ARMC3: variants seen among roughly 807,000 people sequenced by gnomAD.
The protein encoded by ARMC3 is armadillo repeat containing 3, also known as armadillo repeat-containing protein 3.
ARMC3 carries 74 observed loss-of-function variants against 90.3 expected under a neutral mutation model. That is an observed-to-expected ratio of 0.82 (90% CI 0.68 to 0.99). The LOEUF (loss-of-function observed/expected upper bound fraction) is 0.99, where lower values mean the gene tolerates loss of function less well. Among genes scored for constraint, ARMC3 ranks in the 50% least tolerant of loss-of-function variants. The pLI, the probability that ARMC3 is intolerant of heterozygous loss-of-function variation, is 0.00. For synonymous variants in ARMC3, 334 were observed against 361.8 expected (o/e 0.92, Z 0.87); for missense variants, 958 against 1,042.8 (o/e 0.92, Z 1.12).
In ARMC3 at chr10:22,955,902, A is replaced by G; in HGVS notation, c.262A>G (p.Thr88Ala). The change falls in exon 4 of 19, where the codon ACT becomes GCT. Residue 88 changes from threonine (T) to alanine (A), a missense_variant. By Grantham distance (58) the Thr-to-Ala change is moderately conservative. Coordinates refer to ENST00000298032, the MANE Select transcript of ARMC3 (RefSeq NM_173081.5). ...HEDKIVRRNA[T>A]MIFGILASNN... ...AGACAAAATTGTAAGAAGAAATGCTACTATGATATTTGGAATCCTGGCTTC... is the reference window on the plus strand; with the variant it reads ...AGACAAAATTGTAAGAAGAAATGCTGCTATGATATTTGGAATCCTGGCTTC... The G allele has an allele frequency of 1.2e-6, 2 of 1,609,900 alleles. No homozygotes were observed. Among genetic ancestry groups the G allele is most frequent in the Non-Finnish European group, 1.7e-6 (2 of 1,176,250 alleles).
At chr10:23,009,526 C>T (rs1484199434) in intron 16 of ARMC3, among the ~76,000 whole-genome samples, 4 of 152,194 alleles carry the variant, frequency 2.6e-5, no homozygotes, top group African/African-American at 9.6e-5. Flanking sequence ...GAGTCTCGCT[C>T]TGTCGCCCAG....
chr10:23,010,664 C>T (rs1261820138), intron 16 of ARMC3, among the ~76,000 whole-genome samples: 4 of 120,770 alleles, frequency 3.3e-5, no homozygotes, highest in African/African-American at 1.3e-4. Flanking sequence ...CTCCTCTCCT[C>T]TCCTTCCTTT....
chr10:22,976,840 A>G (rs560383469), intron 8 of ARMC3, among the ~76,000 whole-genome samples: 1 of 152,196 alleles, frequency 6.6e-6, no homozygotes, highest in South Asian at 2.1e-4. Context: ...AAAATGCACA[A>G]ATACACTACA....
intron 16 of ARMC3, among the ~76,000 whole-genome samples, chr10:23,019,893 T>C (rs1383776837): frequency 6.6e-6 from 1 of 152,182 alleles, no homozygotes; most frequent in Non-Finnish European, 1.5e-5. Context: ...GATCATACAG[T>C]GTGTAACGTT....
chr10:22,934,482 A>G (rs1834042004), intron 2 of ARMC3, among the ~76,000 whole-genome samples: 1 of 152,208 alleles, frequency 6.6e-6, no homozygotes, highest in Non-Finnish European at 1.5e-5. Flanking sequence ...GTGGTGCTTT[A>G]ACAAAAGGAA....
rs759473989 is a variant in ARMC3 at position 22,983,426 on chromosome 10, G to A, written c.1175+1726G>A. Among the ~76,000 whole-genome samples, 110 of 152,196 alleles carry A rather than the reference G, an allele frequency of 7.2e-4. 1 individual carries two copies. Among genetic ancestry groups the A allele is most frequent in the Non-Finnish European group, 2.1e-4 (14 of 67,996 alleles). On this transcript the variant is annotated intron_variant, in intron 10 of 18. Transcript: ENST00000298032. ...TTGTTACCATAGAAAGGTCAGTCAG[G>A]ACTAAATGATGCCCGACTTCTCTAC...
chr10:23,032,834 G>A (rs781443323), intron 17 of ARMC3, 27 bp from the exon 18 acceptor site: 76 of 1,596,494 alleles, frequency 4.8e-5, no homozygotes, highest in Non-Finnish European at 6.2e-5. Context: ...AAAATTGACC[G>A]ATTTGATCTC....
At chr10:22,988,034 A>G (rs1836536302) in intron 10 of ARMC3, among the ~76,000 whole-genome samples, 1 of 152,226 alleles carries the variant, frequency 6.6e-6, no homozygotes, top group Non-Finnish European at 1.5e-5. Flanking sequence ...CTCCACAAAC[A>G]GATAGAATGC....
At chr10:23,014,061 C>T in intron 16 of ARMC3, 1 of 1,545,678 alleles carries the variant, frequency 6.5e-7, no homozygotes, top group South Asian at 1.2e-5. Context: ...CTTCTTTGTA[C>T]TGTCTTCACT....
intron 16 of ARMC3, among the ~76,000 whole-genome samples, chr10:23,016,566 C>T (rs1838280821): frequency 6.6e-6 from 1 of 152,026 alleles, no homozygotes; most frequent in African/African-American, 2.4e-5. Context: ...ATTAATTTTA[C>T]CGGAGTTAAT....
intron 10 of ARMC3, among the ~76,000 whole-genome samples, chr10:22,984,924 G>A (rs1336592005): frequency 6.6e-6 from 1 of 151,384 alleles, no homozygotes; most frequent in African/African-American, 2.4e-5. Context: ...CCAGGCTGAA[G>A]TGCAATGGTA....
chr10:23,003,983 T>C (rs1378334393), intron 13 of ARMC3, among the ~76,000 whole-genome samples: 1 of 152,068 alleles, frequency 6.6e-6, no homozygotes, highest in Non-Finnish European at 1.5e-5. Context: ...CCTGTCTCTA[T>C]AAAAGAACTT....
rs1835356337 is a variant in ARMC3, at chr10:22,964,346, T to A, written c.732+2268T>A. Among the ~76,000 whole-genome samples the A allele has an allele frequency of 2.0e-5, 3 of 152,158 alleles. 1 individual carries two copies. In the South Asian group the frequency reaches 6.2e-4, roughly 32 times the overall value. ...TTTTGATTAGTTTTCAATTATCATA[T>A]GATTATTGATTTGGTTATAGTTAAG... On this transcript the variant is annotated intron_variant, in intron 7 of 18. Transcript: ENST00000298032.
chr10:23,010,998 T>A (rs959320392), intron 16 of ARMC3, among the ~76,000 whole-genome samples: 1 of 132,274 alleles, frequency 7.6e-6, no homozygotes, highest in Admixed American at 7.6e-5. Context: ...TTCTCCTCTC[T>A]CCTTCCCTTC....
intron 3 of ARMC3, among the ~76,000 whole-genome samples, chr10:22,949,253 A>G (rs891099253): frequency 6.6e-6 from 1 of 152,342 alleles, no homozygotes; most frequent in Middle Eastern, 3.4e-3. Flanking sequence ...CTTGCATCCA[A>G]TAAAAAAATT....
At chr10:23,005,932 G>A (rs981970484) in intron 13 of ARMC3, among the ~76,000 whole-genome samples, 4 of 152,094 alleles carry the variant, frequency 2.6e-5, no homozygotes, top group Admixed American at 6.5e-5. Flanking sequence ...CAGAGGGAGG[G>A]TGAGGGGCTC....
intron 16 of ARMC3, among the ~76,000 whole-genome samples, chr10:23,029,590 A>G (rs12261456): frequency 0.13 from 20,256 of 152,182 alleles, 2,064 homozygotes; most frequent in African/African-American, 0.29. Context: ...AGGAATATTC[A>G]AAAAAGATTG....
At chr10:22,985,349 AT>A (rs1374302316) in intron 10 of ARMC3, among the ~76,000 whole-genome samples, 2 of 152,084 alleles carry the variant, frequency 1.3e-5, no homozygotes, top group Admixed American at 6.6e-5. Context: ...CTGGGTATAA[AT>A]TCAGGGGGGC....
At chr10:23,025,721 CAG>C (rs1838692307) in intron 16 of ARMC3, among the ~76,000 whole-genome samples, 1 of 151,784 alleles carries the variant, frequency 6.6e-6, no homozygotes, top group Admixed American at 6.6e-5. Flanking sequence ...CCAACACAAA[CAG>C]AAAGAAGGAA....
Sources: gnomAD v4.1 joint callset for allele counts (sites outside exome capture counted in the v4.1 genomes callset) on GRCh38, gnomAD v4.1.1 for gene constraint, MANE v1.5 for transcripts, NCBI Gene and HGNC (gene_info 2026-07-23, HGNC 2026-07-21) for gene names.